Variants in LMNTD1 observed in about 807,000 individuals in gnomAD.
LMNTD1 encodes lamin tail domain containing 1.
Under a neutral mutation model 50.9 loss-of-function variants are expected in LMNTD1, and 35 were observed. That is an observed-to-expected ratio of 0.69 (90% CI 0.53 to 0.91). The LOEUF (loss-of-function observed/expected upper bound fraction) is 0.91. Ranked by LOEUF, LMNTD1 falls within the 40% of genes least tolerant of loss-of-function variation. LMNTD1 has a pLI of 0.00. For missense variants in LMNTD1, 470 were observed against 475.5 expected, an observed-to-expected ratio of 0.99 and a Z score of 0.11; for synonymous variants, 153 against 161.9, an observed-to-expected ratio of 0.94 and a Z score of 0.42.
At chr12:25,637,624 A>G (rs1181232769) in intron 1 of LMNTD1, among the ~76,000 whole-genome samples, 1 of 146,814 alleles carries the variant, frequency 6.8e-6, no homozygotes, top group Non-Finnish European at 1.5e-5. Context: ...GACACCATTA[A>G]GCACACCAAC....
At position 25,526,802 on chromosome 12, in the gene LMNTD1, T is replaced by C; in HGVS notation, c.645A>G (p.Pro215=). 6.2e-7 allele frequency: 1 copy of C among 1,611,906 alleles called. No homozygotes were observed. The highest frequency in any genetic ancestry group is 8.5e-7 in the Non-Finnish European group (1 of 1,178,908). ...GQTISLYRFL[P]NIVMQANSTV... Reference sequence around the variant, plus strand: ...TGGAATTTGCCTGCATTACGATGTTTGGAAGGAATCGGTACAAAGAAATGG... The same window carrying C: ...TGGAATTTGCCTGCATTACGATGTTCGGAAGGAATCGGTACAAAGAAATGG... The change falls in exon 5 of 10, where the codon CCA becomes CCG. Residue 215 remains proline (P), a synonymous_variant. Coordinates refer to ENST00000458174, the MANE Select transcript of LMNTD1 (RefSeq NM_001145728.2).
intron 8 of LMNTD1, among the ~76,000 whole-genome samples, chr12:25,510,917 T>C (rs1396397487): frequency 6.6e-6 from 1 of 152,140 alleles, no homozygotes; most frequent in African/African-American, 2.4e-5. Context: ...GAATTTACAA[T>C]ACAGTGCAAT....
chr12:25,488,202 C>T (rs887744328), intron 9 of LMNTD1, among the ~76,000 whole-genome samples: 2 of 138,916 alleles, frequency 1.4e-5, no homozygotes. Flanking sequence ...TGGGGAAGTT[C>T]TCCTGGATAA....
intron 1 of LMNTD1, among the ~76,000 whole-genome samples, chr12:25,635,188 C>G (rs577675382): frequency 7.2e-6 from 1 of 138,720 alleles, no homozygotes; most frequent in East Asian, 2.1e-4. Flanking sequence ...TGTGGTGAGC[C>G]GAAATCACAC....
At chr12:25,586,374 A>G (rs1030421936) in intron 1 of LMNTD1, among the ~76,000 whole-genome samples, 3 of 151,994 alleles carry the variant, frequency 2.0e-5, no homozygotes, top group Non-Finnish European at 4.4e-5. Context: ...TCTCACCAAC[A>G]CTACCTTCAT....
intron 9 of LMNTD1, among the ~76,000 whole-genome samples, chr12:25,487,350 A>C (rs1938686153): frequency 7.4e-6 from 1 of 135,812 alleles, no homozygotes; most frequent in African/African-American, 2.8e-5. Context: ...TAGGATAGTT[A>C]GCTCTTCTTG....
At chr12:25,566,297 T>G (rs1263052141) in intron 1 of LMNTD1, among the ~76,000 whole-genome samples, 1 of 152,232 alleles carries the variant, frequency 6.6e-6, no homozygotes, top group Non-Finnish European at 1.5e-5. Context: ...TCTTTTTTTC[T>G]TCTGTCTCTT....
At chr12:25,605,827 G>A (rs1185291095) in intron 1 of LMNTD1, among the ~76,000 whole-genome samples, 1 of 152,024 alleles carries the variant, frequency 6.6e-6, no homozygotes, top group Non-Finnish European at 1.5e-5. Flanking sequence ...GCTCTTTTTT[G>A]GTTCCATATG....
At chr12:25,618,762 C>T (rs2136556952) in intron 1 of LMNTD1, among the ~76,000 whole-genome samples, 1 of 152,266 alleles carries the variant, frequency 6.6e-6, no homozygotes, top group East Asian at 1.9e-4. Flanking sequence ...AAACCAACTG[C>T]TAAAATGATC....
In LMNTD1 at chr12:25,526,799, G is replaced by A. The variant is rs780421507; in HGVS notation, c.648C>T (p.Asn216=). The change falls in exon 5 of 10, where the codon AAC becomes AAT. Residue 216 remains asparagine (N), a synonymous_variant. Transcript: ENST00000458174. ...QTISLYRFLP[N]IVMQANSTVT... The stretch of plus-strand genomic sequence containing the variant: ...CTGTGGAATTTGCCTGCATTACGAT[G>A]TTTGGAAGGAATCGGTACAAAGAAA... The A allele has an allele frequency of 1.9e-6, 3 of 1,611,476 alleles. No individual in the cohort carries two copies. Among genetic ancestry groups the A allele is most frequent in the Admixed American group, 3.3e-5 (2 of 59,782 alleles).
chr12:25,531,619 T>C (rs1273130919), intron 4 of LMNTD1, among the ~76,000 whole-genome samples: 2 of 152,208 alleles, frequency 1.3e-5, no homozygotes, highest in African/African-American at 4.8e-5. Flanking sequence ...GTTTGTTTGC[T>C]GGCTTGTTTT....
At chr12:25,555,179 C>T (rs182869252), upstream of LMNTD1, among the ~76,000 whole-genome samples, 1,010 of 151,790 alleles carry the variant, frequency 6.7e-3, 8 homozygotes, top group Non-Finnish European at 9.6e-3. Context: ...TAGGATGTAA[C>T]TATTTATTGT....
intron 1 of LMNTD1, among the ~76,000 whole-genome samples, chr12:25,603,716 C>A (rs531016432): frequency 6.6e-6 from 1 of 152,034 alleles, no homozygotes; most frequent in East Asian, 1.9e-4. Flanking sequence ...TAAATATACA[C>A]AAATAGCATA....
At chr12:25,545,362 T>C (rs1031789669) in intron 4 of LMNTD1, among the ~76,000 whole-genome samples, 1 of 151,676 alleles carries the variant, frequency 6.6e-6, no homozygotes, top group Non-Finnish European at 1.5e-5. Flanking sequence ...CTTCTTCTCT[T>C]TGTCCTTGAC....
Position 25,584,387 on chromosome 12 carries a change from CTT to C in LMNTD1, c.59-37835_59-37834del, listed in dbSNP as rs1945436867. 2.6e-5 allele frequency among the ~76,000 whole-genome samples: 4 copies of C among 152,310 alleles called. No individual in the cohort carries two copies. The South Asian group carries it at 8.3e-4, about 32-fold the overall frequency. ...TCAGTGTAACCACTGAACCTGTACT[CTT>C]TAAGCTATGGCACATCAGCTCCTAC... On this transcript the variant is annotated intron_variant, in intron 1 of 7. Coordinates refer to the LMNTD1 transcript ENST00000445693.
intron 4 of LMNTD1, among the ~76,000 whole-genome samples, chr12:25,527,929 A>C (rs1941934265): frequency 6.6e-6 from 1 of 151,636 alleles, no homozygotes; most frequent in Non-Finnish European, 1.5e-5. Context: ...GTCTTTGTTC[A>C]TGGTTTATGT....
At chr12:25,557,593 TCA>T (rs1264414563), upstream of LMNTD1, among the ~76,000 whole-genome samples, 2 of 152,206 alleles carry the variant, frequency 1.3e-5, no homozygotes, top group African/African-American at 2.4e-5. Context: ...TCAGGACACC[TCA>T]GACTTGTTCA....
At chr12:25,601,475 T>C (rs1381533637) in intron 1 of LMNTD1, among the ~76,000 whole-genome samples, 1 of 151,986 alleles carries the variant, frequency 6.6e-6, no homozygotes, top group Non-Finnish European at 1.5e-5. Context: ...TTTGGATTAT[T>C]TGTAACTCAG....
At chr12:25,585,147 C>G (rs540543484) in intron 1 of LMNTD1, among the ~76,000 whole-genome samples, 1 of 152,314 alleles carries the variant, frequency 6.6e-6, no homozygotes, top group South Asian at 2.1e-4. Context: ...GTCCCATGGA[C>G]TCTTTCATGT....
Sources: gnomAD v4.1 joint callset for allele counts (sites outside exome capture counted in the v4.1 genomes callset) on GRCh38, gnomAD v4.1.1 for gene constraint, MANE v1.5 for transcripts, NCBI Gene and HGNC (gene_info 2026-07-23, HGNC 2026-07-21) for gene names.